Variants in BCL11A observed in about 807,000 individuals in gnomAD.
The protein encoded by BCL11A is B cell CLL/lymphoma 11A.
A neutral mutation model predicts 55.9 loss-of-function variants in BCL11A; 2 were observed. That is an observed-to-expected ratio of 0.04 (90% CI 0.01 to 0.11). BCL11A has a LOEUF of 0.11. BCL11A is among the 10% of genes least tolerant of loss of function. The probability of loss-of-function intolerance (pLI) is 1.00; values close to 1 mark genes in which losing one functional copy is unlikely to be tolerated. For synonymous variants in BCL11A, 465 were observed against 473.4 expected, an observed-to-expected ratio of 0.98 and a Z score of 0.23; for missense variants, 817 against 1,137.1, an observed-to-expected ratio of 0.72 and a Z score of 4.05.
intron 2 of BCL11A, among the ~76,000 whole-genome samples, chr2:60,498,806 T>G (rs1026227399): frequency 1.3e-5 from 2 of 152,170 alleles, no homozygotes; most frequent in African/African-American, 4.8e-5. Context: ...ACTTGTGGCT[T>G]AAGGAAGCCT....
chr2:60,494,161 C>G lies in BCL11A; in HGVS notation c.386-25328G>C, dbSNP rs1678811941. Reference sequence around the variant, plus strand: ...ACCTACATTACTTAAGAAACCTGAGCACATTCTTACGCCTAGGGCAATAAA... The same window carrying G: ...ACCTACATTACTTAAGAAACCTGAGGACATTCTTACGCCTAGGGCAATAAA... On this transcript the variant is annotated intron_variant, in intron 2 of 3. Transcript: ENST00000642384. Among the ~76,000 whole-genome samples the G allele has an allele frequency of 3.9e-5, 6 of 152,292 alleles. No individual in the cohort carries two copies. In the South Asian group the frequency reaches 1.2e-3, roughly 32 times the overall value.
At chr2:60,553,090 G>T in intron 1 of BCL11A, 126 bp downstream of exon 1, 1 of 956,364 alleles carries the variant, frequency 1.0e-6, no homozygotes, top group Non-Finnish European at 1.5e-6. Flanking sequence ...TCGACTCTCG[G>T]AGGTTTTTCT....
rs538741385 is a variant in BCL11A at position 60,549,467 on chromosome 2, G to T, written c.56-3167C>A. 1.1e-3 allele frequency among the ~76,000 whole-genome samples: 161 copies of T among 152,358 alleles called. 1 individual carries two copies. The highest frequency in any genetic ancestry group is 1.9e-3 in the South Asian group (9 of 4,830). ...CAAAGAAACAAAAGCAAAGCCGGGG[G>T]CTACAGGCCCGGGGCAGGGGCCCCG... is the stretch of plus-strand genomic sequence containing the variant. On this transcript the variant is annotated intron_variant, in intron 1 of 3. Coordinates refer to ENST00000642384, the MANE Select transcript of BCL11A (RefSeq NM_022893.4).
At chr2:60,453,511 G>A (rs58786653), downstream of BCL11A, among the ~76,000 whole-genome samples, 1 of 152,208 alleles carries the variant, frequency 6.6e-6, no homozygotes, top group Non-Finnish European at 1.5e-5. Flanking sequence ...CTGGATCTCA[G>A]CTGCTCTCAC....
intron 2 of BCL11A, among the ~76,000 whole-genome samples, chr2:60,483,636 C>G (rs1678093110): frequency 6.6e-6 from 1 of 152,184 alleles, no homozygotes; most frequent in South Asian, 2.1e-4. Flanking sequence ...GGATGCTCGT[C>G]CCCAGGAAAC....
At chr2:60,516,969 ATTAT>A (rs1668761189) in intron 2 of BCL11A, among the ~76,000 whole-genome samples, 1 of 152,196 alleles carries the variant, frequency 6.6e-6, no homozygotes, top group Non-Finnish European at 1.5e-5. Flanking sequence ...CAGGAAAGAG[ATTAT>A]TTAGGAAGAA....
chr2:60,488,548 A>G (rs1020490460), intron 2 of BCL11A, among the ~76,000 whole-genome samples: 1 of 152,216 alleles, frequency 6.6e-6, no homozygotes, highest in Non-Finnish European at 1.5e-5. Context: ...TATACAATTC[A>G]CTGGAAACCC....
intron 2 of BCL11A, among the ~76,000 whole-genome samples, chr2:60,500,185 G>A (rs545005232): frequency 2.6e-5 from 4 of 152,234 alleles, no homozygotes; most frequent in Non-Finnish European, 4.4e-5. Context: ...TGCCCTGGAT[G>A]GAAAACCAGC....
chr2:60,552,773 C>G (rs950258799), intron 1 of BCL11A, among the ~76,000 whole-genome samples: 1 of 152,166 alleles, frequency 6.6e-6, no homozygotes, highest in African/African-American at 2.4e-5. Flanking sequence ...CCCTACCCCC[C>G]CATTTTCTTA....
At chr2:60,501,842 TCA>T (rs968242667) in intron 2 of BCL11A, among the ~76,000 whole-genome samples, 2 of 152,152 alleles carry the variant, frequency 1.3e-5, no homozygotes, top group African/African-American at 4.8e-5. Flanking sequence ...TGTGCTCATC[TCA>T]CATAAAAATT....
chr2:60,508,408 C>T (rs1679768635), intron 2 of BCL11A, among the ~76,000 whole-genome samples: 2 of 152,192 alleles, frequency 1.3e-5, no homozygotes, highest in African/African-American at 2.4e-5. Flanking sequence ...GTCCCTGAGT[C>T]TGACTTTTAC....
intron 3 of BCL11A, among the ~76,000 whole-genome samples, chr2:60,466,260 G>A (rs534634425): frequency 6.6e-6 from 1 of 151,872 alleles, no homozygotes; most frequent in South Asian, 2.1e-4. Flanking sequence ...ATGTTTCCCT[G>A]GCAACAGCCC....
rs111572956 is a variant in BCL11A at position 60,515,896 on chromosome 2, G to A, written c.385+30075C>T. On this transcript the variant is annotated intron_variant, in intron 2 of 3. Coordinates refer to ENST00000642384, the MANE Select transcript of BCL11A (RefSeq NM_022893.4). ...GTCACCACCAGGCTGCGCTGAACAG[G>A]AAGTGAACAAGTCAATTCGAGAAAG... Among the ~76,000 whole-genome samples the A allele has an allele frequency of 3.0e-3, 450 of 152,328 alleles. 1 individual carries two copies. Among genetic ancestry groups the A allele is most frequent in the African/African-American group, 0.01 (430 of 41,560 alleles).
chr2:60,481,380 G>C (rs1235141252), intron 2 of BCL11A, among the ~76,000 whole-genome samples: 1 of 152,074 alleles, frequency 6.6e-6, no homozygotes, highest in African/African-American at 2.4e-5. Flanking sequence ...CCTTCTCTCT[G>C]TCTCCCACGA....
At position 60,459,461 on chromosome 2, in the gene BCL11A, T is replaced by C. The variant is rs1282826870; in HGVS notation, c.*943A>G. On this transcript the variant is annotated 3_prime_UTR_variant, in exon 4 of 4. Coordinates refer to ENST00000642384, the MANE Select transcript of BCL11A (RefSeq NM_022893.4). ...ACCAGGAGCAAAGTAGCTTTTATACTGGTATAATCAGTTTTGTTTATAAAA... is the reference window on the plus strand; with the variant it reads ...ACCAGGAGCAAAGTAGCTTTTATACCGGTATAATCAGTTTTGTTTATAAAA... 2.0e-6 allele frequency: 2 copies of C among 1,021,408 alleles called. No individual in the cohort carries two copies. The highest frequency in any genetic ancestry group is 1.7e-5 in the African/African-American group (1 of 58,728). The allele number at this position is 1,021,408 out of a possible 1,614,324, so 63.3% of individuals were successfully genotyped here. A position where few individuals can be genotyped will look rare whatever the true frequency, so the allele number is the denominator to read the frequency against.
At chr2:60,486,261 T>C (rs1678269198) in intron 2 of BCL11A, among the ~76,000 whole-genome samples, 1 of 152,200 alleles carries the variant, frequency 6.6e-6, no homozygotes, top group Non-Finnish European at 1.5e-5. Flanking sequence ...TGATTTGTTC[T>C]CTCTCCTACA....
chr2:60,457,390 A>G lies in BCL11A; in HGVS notation c.*3014T>C. 2.9e-6 allele frequency: 3 copies of G among 1,026,008 alleles called. No homozygotes were observed. Among genetic ancestry groups the G allele is most frequent in the Non-Finnish European group, 3.5e-6 (3 of 852,064 alleles). 63.6% of individuals were successfully genotyped at this position (1,026,008 alleles called of 1,614,324 possible). A position where few individuals can be genotyped will look rare whatever the true frequency, so the allele number is the denominator to read the frequency against. On this transcript the variant is annotated 3_prime_UTR_variant, in exon 4 of 4. Coordinates refer to ENST00000642384, the MANE Select transcript of BCL11A (RefSeq NM_022893.4). ...ATAAAAAAAAAAATAAAAACAAAGA[A>G]AAATAAAAGATCAAATTAAGTGCCT...
rs552819070 is a variant in BCL11A, at chr2:60,547,261, T to C, written c.56-961A>G. ...TTTAGACTTGAAATACTTCGCCTAA[T>C]GTTGTCAAAGTGGACTAATTTTCTG... On this transcript the variant is annotated intron_variant, in intron 1 of 3. Coordinates refer to ENST00000642384, the MANE Select transcript of BCL11A (RefSeq NM_022893.4). Among the ~76,000 whole-genome samples the C allele has an allele frequency of 9.8e-5, 15 of 152,308 alleles. No homozygotes were observed. In the South Asian group the frequency reaches 1.0e-3, roughly 11 times the overall value.
intron 2 of BCL11A, chr2:60,495,624 TCTGC>T (rs1199563110): frequency 1.3e-5 from 2 of 152,288 alleles, no homozygotes; most frequent in Admixed American, 6.5e-5. Context: ...GCAGACATTC[TCTGC>T]CTGTTGTGAT....
Sources: allele counts gnomAD v4.1 joint callset (sites outside exome capture counted in the v4.1 genomes callset), GRCh38; gene constraint gnomAD v4.1.1; transcripts MANE v1.5; gene names NCBI Gene and HGNC (gene_info 2026-07-23, HGNC 2026-07-21).